CERS5: variants seen among roughly 807,000 people sequenced by gnomAD.
CERS5 encodes the protein ceramide synthase 5.
CERS5 carries 37 observed loss-of-function variants against 58.9 expected under a neutral mutation model. The ratio of observed to expected loss-of-function variants is 0.63; its 90% CI spans 0.48 to 0.83. CERS5 has a LOEUF of 0.83. CERS5 is among the 40% of genes least tolerant of loss of function. The pLI, the probability that CERS5 is intolerant of heterozygous loss-of-function variation, is 0.00. For missense variants in CERS5, 398 were observed against 489.3 expected (o/e 0.81, Z 1.76); for synonymous variants, 147 against 177.8 (o/e 0.83, Z 1.38).
intron 1 of CERS5, among the ~76,000 whole-genome samples, chr12:50,155,069 G>A (rs1938414791): frequency 6.6e-6 from 1 of 151,976 alleles, no homozygotes; most frequent in African/African-American, 2.4e-5. Flanking sequence ...TGTTGGCCAG[G>A]CTGGTCTTGA....
rs187477435 is a variant in CERS5, at chr12:50,146,942, T to G, written c.198-2885A>C. 4.1e-3 allele frequency among the ~76,000 whole-genome samples: 630 copies of G among 152,334 alleles called. 5 individuals are homozygous for G. Among genetic ancestry groups the G allele is most frequent in the African/African-American group, 0.014 (588 of 41,586 alleles). ...CTTTATTATATTTTCCAGATGTGAT[T>G]GGAAAATAATCTTTTCTAATTTGTG... On this transcript the variant is annotated intron_variant, in intron 1 of 9. Coordinates refer to ENST00000317551, the MANE Select transcript of CERS5 (RefSeq NM_147190.5).
intron 9 of CERS5, among the ~76,000 whole-genome samples, chr12:50,132,025 A>T (rs1346148238): frequency 6.6e-6 from 1 of 151,886 alleles, no homozygotes; most frequent in Non-Finnish European, 1.5e-5. Flanking sequence ...GCATCTCTTG[A>T]GCCCAGGAGG....
At chr12:50,134,826 C>A in intron 8 of CERS5, 124 bp from the exon 9 acceptor site, 1 of 799,612 alleles carries the variant, frequency 1.3e-6, no homozygotes. Context: ...GCTGAAGTTC[C>A]AGGGACCGTC....
At chr12:50,148,383 C>T (rs557416333) in intron 1 of CERS5, 3 of 191,382 alleles carry the variant, frequency 1.6e-5, no homozygotes, top group African/African-American at 4.8e-5. Context: ...ACTGCTTGAG[C>T]TCAGGAGTTC....
chr12:50,142,931 T>C, intron 3 of CERS5, 143 bp downstream of exon 3: 1 of 880,564 alleles, frequency 1.1e-6, no homozygotes, highest in Non-Finnish European at 1.7e-6. Context: ...GTTCCCTTCT[T>C]TCCTACCTAT....
At position 50,146,590 on chromosome 12, in the gene CERS5, T is replaced by G. The variant is rs1302709786; in HGVS notation, c.198-2533A>C. The stretch of plus-strand genomic sequence containing the variant: ...AAGAACATTTGACAGCCGGGCGCAG[T>G]GGCTCACGCTTGTAATCCCAGCACT... On this transcript the variant is annotated intron_variant, in intron 1 of 9. Coordinates refer to ENST00000317551, the MANE Select transcript of CERS5 (RefSeq NM_147190.5). Among the ~76,000 whole-genome samples the G allele has an allele frequency of 2.0e-5, 3 of 152,196 alleles. No homozygotes were observed. The East Asian group carries it at 5.8e-4, about 29-fold the overall frequency.
At chr12:50,142,411 A>G (rs1952018964) in intron 3 of CERS5, among the ~76,000 whole-genome samples, 1 of 152,082 alleles carries the variant, frequency 6.6e-6, no homozygotes, top group African/African-American at 2.4e-5. Flanking sequence ...TTAGCTGGGC[A>G]TGGTGGCGTG....
intron 1 of CERS5, 34 bp downstream of exon 1, chr12:50,167,067 C>G: frequency 3.4e-6 from 5 of 1,471,508 alleles, no homozygotes; most frequent in Non-Finnish European, 4.5e-6. Context: ...CGGCCCGCGC[C>G]CGGCCCCCGA....
chr12:50,149,994 C>T (rs755696673), intron 1 of CERS5, among the ~76,000 whole-genome samples: 51 of 152,116 alleles, frequency 3.4e-4, no homozygotes, highest in Non-Finnish European at 4.9e-4. Context: ...CTGCCTGCCT[C>T]GCCTCCCAAA....
chr12:50,167,315 G>A lies in CERS5; in HGVS notation c.-18C>T, dbSNP rs777761750. On this transcript the variant is annotated 5_prime_UTR_variant, in exon 1 of 10. Transcript: ENST00000317551. Reference sequence around the variant, plus strand: ...GTCGCCATCTTACGCCCACCCCGAAGCCACCGCCGCCACAAGCGTCAGCTG... The same window carrying A: ...GTCGCCATCTTACGCCCACCCCGAAACCACCGCCGCCACAAGCGTCAGCTG... The A allele has an allele frequency of 6.9e-7, 1 of 1,455,650 alleles. No homozygotes were observed. The highest frequency in any genetic ancestry group is 9.0e-7 in the Non-Finnish European group (1 of 1,110,490). 90.2% of individuals were successfully genotyped at this position (1,455,650 alleles called of 1,614,324 possible). A position where few individuals can be genotyped will look rare whatever the true frequency, so the allele number is the denominator to read the frequency against.
intron 8 of CERS5, chr12:50,135,306 G>GTAGTGT (rs1951621674): frequency 4.9e-6 from 1 of 204,916 alleles, no homozygotes; most frequent in African/African-American, 4.7e-5. Flanking sequence ...GAGAGAGAGA[G>GTAGTGT]GAGTGTGTGT....
rs1159039531 is a variant in CERS5, at chr12:50,135,174, GGA to G, written c.873-474_873-473del. On this transcript the variant is annotated intron_variant, in intron 8 of 9. Transcript: ENST00000317551. The stretch of plus-strand genomic sequence containing the variant: ...AGGGAGGGAGAGAGAGGGGAGGGAG[GGA>G]GAGAGAGGAGAGGGAGGAAGAGAGA... Among the ~76,000 whole-genome samples, 7 of 81,774 alleles carry G rather than the reference GGA, an allele frequency of 8.6e-5. 1 individual carries two copies. The highest frequency in any genetic ancestry group is 1.1e-3 in the South Asian group (2 of 1,810). 53.6% of individuals were successfully genotyped at this position (81,774 alleles called of 152,430 possible).
At chr12:50,161,925 A>T in intron 1 of CERS5, among the ~76,000 whole-genome samples, 1 of 109,832 alleles carries the variant, frequency 9.1e-6, no homozygotes, top group Admixed American at 1.4e-4. Context: ...CCCAAGCTGG[A>T]GTGCAGTGGC....
intron 8 of CERS5, chr12:50,135,308 A>AGTGTGTGTGTGTGTGTGTGTGTGT (rs56858635): frequency 6.1e-6 from 1 of 165,028 alleles, no homozygotes; most frequent in African/African-American, 4.0e-5. Context: ...GAGAGAGAGG[A>AGTGTGTGTGTGTGTGTGTGTGTGT]GTGTGTGTGT....
At chr12:50,157,790 C>T (rs1478275150) in intron 1 of CERS5, among the ~76,000 whole-genome samples, 3 of 152,070 alleles carry the variant, frequency 2.0e-5, no homozygotes, top group Non-Finnish European at 4.4e-5. Context: ...CTACTGTAGG[C>T]CAGGCATGGT....
chr12:50,162,923 G>A (rs889626189), intron 1 of CERS5, among the ~76,000 whole-genome samples: 4 of 151,990 alleles, frequency 2.6e-5, no homozygotes, highest in African/African-American at 9.7e-5. Flanking sequence ...TTAAGAGACA[G>A]GGTCTCACTC....
intron 1 of CERS5, chr12:50,148,556 C>A: frequency 2.9e-6 from 1 of 347,226 alleles, no homozygotes; most frequent in South Asian, 2.0e-5. Flanking sequence ...GAGATCTCAC[C>A]ACTGCACTCC....
At position 50,137,832 on chromosome 12, in the gene CERS5, A is replaced by G. The variant is rs1411137406; in HGVS notation, c.544-12T>C. 6.4e-7 allele frequency: 1 copy of G among 1,555,884 alleles called. No homozygotes were observed. Among genetic ancestry groups the G allele is most frequent in the Non-Finnish European group, 8.9e-7 (1 of 1,128,994 alleles). ...CCACTTGAAAGAGGCTGGAAGAGAG[A>G]AAGAAGTAGTTAGATTACCGGCTAG... On this transcript the variant is annotated splice_polypyrimidine_tract_variant and intron_variant, in intron 5 of 9. Transcript: ENST00000317551.
At chr12:50,136,699 A>G (rs1203414081) in intron 6 of CERS5, among the ~76,000 whole-genome samples, 1 of 152,144 alleles carries the variant, frequency 6.6e-6, no homozygotes, top group Non-Finnish European at 1.5e-5. Context: ...GAGTTCCCTG[A>G]GATTCTATGA....
Sources: allele counts gnomAD v4.1 joint callset (sites outside exome capture counted in the v4.1 genomes callset), GRCh38; gene constraint gnomAD v4.1.1; transcripts MANE v1.5; gene names NCBI Gene and HGNC (gene_info 2026-07-23, HGNC 2026-07-21).